The following CMIP variants were observed in gnomAD, a reference collection of about 807,000 sequenced individuals.
CMIP encodes the protein c-Maf inducing protein, also known as C-Maf-inducing protein.
A neutral mutation model predicts 97.3 loss-of-function variants in CMIP; 13 were observed. The ratio of observed to expected loss-of-function variants is 0.13; its 90% CI spans 0.09 to 0.21. CMIP has a LOEUF of 0.21. CMIP is among the 10% of genes least tolerant of loss of function. CMIP has a pLI of 1.00. For synonymous variants in CMIP, 538 were observed against 436.3 expected (o/e 1.23, Z -2.91); for missense variants, 847 against 1,024.9 (o/e 0.83, Z 2.37).
intron 1 of CMIP, among the ~76,000 whole-genome samples, chr16:81,561,098 G>A (rs545943502): frequency 9.8e-5 from 15 of 152,286 alleles, no homozygotes; most frequent in African/African-American, 3.6e-4. Context: ...GGGATTACAG[G>A]CACATGCCAC....
At chr16:81,458,721 G>A (rs907385557) in intron 1 of CMIP, among the ~76,000 whole-genome samples, 2 of 152,254 alleles carry the variant, frequency 1.3e-5, no homozygotes, top group Admixed American at 6.5e-5. Context: ...TAGGAGGGCT[G>A]GCCAGGCTTT....
chr16:81,493,940 A>G (rs1002839958), intron 1 of CMIP, among the ~76,000 whole-genome samples: 5 of 152,232 alleles, frequency 3.3e-5, no homozygotes, highest in Admixed American at 2.0e-4. Context: ...GGTGCTTCTC[A>G]GGAAGTCTTA....
At chr16:81,484,130 C>G (rs1338042296) in intron 1 of CMIP, among the ~76,000 whole-genome samples, 1 of 152,216 alleles carries the variant, frequency 6.6e-6, no homozygotes, top group Non-Finnish European at 1.5e-5. Flanking sequence ...GTTTCAGGTC[C>G]TTGGCCATCA....
chr16:81,608,012 G>C (rs1317592971), intron 2 of CMIP, among the ~76,000 whole-genome samples: 2 of 152,228 alleles, frequency 1.3e-5, no homozygotes, highest in Non-Finnish European at 2.9e-5. Flanking sequence ...GAGGCACACA[G>C]GTGAGTTGTT....
intron 1 of CMIP, among the ~76,000 whole-genome samples, chr16:81,553,369 A>G (rs1054775845): frequency 1.1e-4 from 16 of 152,186 alleles, no homozygotes; most frequent in African/African-American, 3.9e-4. Context: ...CAAAAGCAAC[A>G]AAGTTGAAAG....
At chr16:81,600,892 G>C (rs1391797100) in intron 1 of CMIP, among the ~76,000 whole-genome samples, 1 of 152,332 alleles carries the variant, frequency 6.6e-6, no homozygotes, top group South Asian at 2.1e-4. Context: ...GCTGTTGACT[G>C]TCTAAGCAGG....
chr16:81,678,664 G>C (rs373352244), intron 10 of CMIP, 36 bp downstream of exon 10: 1 of 997,470 alleles, frequency 1.0e-6, no homozygotes, highest in East Asian at 2.5e-5. Flanking sequence ...CCCCGGGGCC[G>C]GTGGGAGGAG....
Position 81,655,996 on chromosome 16 carries a change from A to C in CMIP, c.640-1779A>C, listed in dbSNP as rs2092477079. 1.3e-5 allele frequency among the ~76,000 whole-genome samples: 2 copies of C among 152,326 alleles called. No individual in the cohort carries two copies. The highest frequency in any genetic ancestry group is 1.3e-4 in the Admixed American group (2 of 15,300). ...CCAGGCTTCTCCCCGAAGCTGAAAA[A>C]TGACTGATAGTTAATAATCTACCAT... On this transcript the variant is annotated intron_variant, in intron 4 of 20. Transcript: ENST00000537098. The surrounding 1 kb of genome is among the most constrained non-coding windows in gnomAD (Gnocchi z 4.9).
At chr16:81,608,887 C>A (rs1164839970) in intron 2 of CMIP, among the ~76,000 whole-genome samples, 1 of 152,226 alleles carries the variant, frequency 6.6e-6, no homozygotes, top group Non-Finnish European at 1.5e-5. Context: ...TCCAGGGAAA[C>A]CTTCTCTTAG....
At chr16:81,622,439 G>T (rs1044589222) in intron 3 of CMIP, among the ~76,000 whole-genome samples, 1 of 152,110 alleles carries the variant, frequency 6.6e-6, no homozygotes, top group East Asian at 1.9e-4. Flanking sequence ...CGGGACATTC[G>T]TCAGCACCTA....
At chr16:81,609,037 A>C (rs2091788073) in intron 2 of CMIP, among the ~76,000 whole-genome samples, 1 of 152,218 alleles carries the variant, frequency 6.6e-6, no homozygotes, top group Non-Finnish European at 1.5e-5. Context: ...TAGCATTGTT[A>C]GAAATGTCCT....
chr16:81,699,600 G>A (rs1434551585), intron 14 of CMIP, 85 bp from the exon 15 acceptor site: 28 of 831,420 alleles, frequency 3.4e-5, no homozygotes, highest in Non-Finnish European at 4.0e-5. Flanking sequence ...TCTGTTCAAC[G>A]GCTCTTGGGC....
intron 1 of CMIP, among the ~76,000 whole-genome samples, chr16:81,569,258 C>CT (rs1195648676): frequency 1.3e-5 from 2 of 152,218 alleles, no homozygotes; most frequent in Non-Finnish European, 2.9e-5. Flanking sequence ...TCTATACATA[C>CT]TGTCTCATTC....
chr16:81,654,935 T>A (rs1020518843), intron 4 of CMIP, among the ~76,000 whole-genome samples: 3 of 152,190 alleles, frequency 2.0e-5, no homozygotes, highest in Admixed American at 1.3e-4. Context: ...CTGCCCTCAG[T>A]AGCTGGGTGG....
intron 1 of CMIP, chr16:81,519,317 A>C (rs1048533471): frequency 2.0e-5 from 3 of 152,240 alleles, no homozygotes; most frequent in Non-Finnish European, 2.9e-5. Flanking sequence ...CACACACACA[A>C]AAAGTAAAAT....
intron 1 of CMIP, among the ~76,000 whole-genome samples, chr16:81,492,444 G>A (rs2089420456): frequency 6.6e-6 from 1 of 152,220 alleles, no homozygotes; most frequent in South Asian, 2.1e-4. Flanking sequence ...GAGCACTTCT[G>A]TTAGCGATGA....
At chr16:81,503,283 A>G (rs1318755321) in intron 1 of CMIP, among the ~76,000 whole-genome samples, 1 of 152,200 alleles carries the variant, frequency 6.6e-6, no homozygotes. Context: ...CTGCTGTGTG[A>G]CAGCCGGGTG....
At chr16:81,608,529 C>T (rs2150943200) in intron 2 of CMIP, among the ~76,000 whole-genome samples, 1 of 152,196 alleles carries the variant, frequency 6.6e-6, no homozygotes, top group Non-Finnish European at 1.5e-5. Context: ...CATGGAAGAT[C>T]CTGATTGGCT....
chr16:81,707,389 C>G (rs1908268995), intron 20 of CMIP, among the ~76,000 whole-genome samples: 1 of 152,170 alleles, frequency 6.6e-6, no homozygotes, highest in African/African-American at 2.4e-5. Context: ...AAGCAAGTGC[C>G]AAGGTCCTGA....
Sources: allele counts gnomAD v4.1 joint callset (sites outside exome capture counted in the v4.1 genomes callset), GRCh38; gene constraint gnomAD v4.1.1; non-coding constraint Gnocchi (gnomAD v3.1); transcripts MANE v1.5; gene names NCBI Gene and HGNC (gene_info 2026-07-23, HGNC 2026-07-21).